KIF1B: variants seen among roughly 807,000 people sequenced by gnomAD.
KIF1B encodes kinesin-like protein KIF1B.
KIF1B carries 76 observed loss-of-function variants against 241.9 expected under a neutral mutation model. That is an observed-to-expected ratio of 0.31 (90% CI 0.26 to 0.38). The LOEUF (loss-of-function observed/expected upper bound fraction) is 0.38, where lower values mean the gene tolerates loss of function less well. Ranked by LOEUF, KIF1B falls within the 10% of genes least tolerant of loss-of-function variation. The pLI, the probability that KIF1B is intolerant of heterozygous loss-of-function variation, is 1.00. For synonymous variants in KIF1B, 750 were observed against 796.7 expected, an observed-to-expected ratio of 0.94 and a Z score of 0.99; for missense variants, 1,622 against 2,271.4, an observed-to-expected ratio of 0.71 and a Z score of 5.81.
intron 22 of KIF1B, among the ~76,000 whole-genome samples, chr1:10,314,820 C>G (rs1289778276): frequency 1.3e-5 from 2 of 151,618 alleles, no homozygotes; most frequent in Non-Finnish European, 2.9e-5. Context: ...CATCCTCATA[C>G]CTTAACTGTC....
At position 10,324,803 on chromosome 1, in the gene KIF1B, G is replaced by T; in HGVS notation, c.2583G>T (p.Glu861Asp). ...LMREMYDRAG[E>D]MASSAQDESE... ...GAGAGATGTATGATAGGGCAGGGGA[G>T]ATGGCCTCCAGTGCCCAAGACGAAA... The change falls in exon 26 of 49, where the codon GAG becomes GAT. Residue 861 changes from glutamate to aspartate, a missense_variant. Coordinates refer to ENST00000676179, the MANE Select transcript of KIF1B (RefSeq NM_001365951.3). 1.2e-6 allele frequency: 2 copies of T among 1,614,150 alleles called. No individual in the cohort carries two copies. The highest frequency in any genetic ancestry group is 1.7e-6 in the Non-Finnish European group (2 of 1,180,006).
In KIF1B at chr1:10,332,538, C is replaced by T. The variant is rs896068463; in HGVS notation, c.2925-1982C>T. Among the ~76,000 whole-genome samples, 257 of 89,940 alleles carry T rather than the reference C, an allele frequency of 2.9e-3. 1 individual carries two copies. The highest frequency in any genetic ancestry group is 0.011 in the African/African-American group (241 of 21,572). The allele number at this position is 89,940 out of a possible 152,430, so 59.0% of individuals were successfully genotyped here. A position where few individuals can be genotyped will look rare whatever the true frequency, so the allele number is the denominator to read the frequency against. On this transcript the variant is annotated intron_variant, in intron 27 of 48. Transcript: ENST00000676179. ...TTTTTTTTTTTTTTTTTTTTTGAGACGGAGTCTCACTCTGTCGCCCAGGCT... is the reference window on the plus strand; with the variant it reads ...TTTTTTTTTTTTTTTTTTTTTGAGATGGAGTCTCACTCTGTCGCCCAGGCT...
chr1:10,348,779 A>ATTTT (rs35253111), intron 37 of KIF1B, 46 bp downstream of exon 37: 1 of 1,248,214 alleles, frequency 8.0e-7, no homozygotes, highest in Non-Finnish European at 1.1e-6. Flanking sequence ...ACTTACAGAG[A>ATTTT]TTTTTTTTTT....
At chr1:10,313,651 C>T (rs547454449) in intron 22 of KIF1B, among the ~76,000 whole-genome samples, 2 of 144,990 alleles carry the variant, frequency 1.4e-5, no homozygotes, top group East Asian at 4.2e-4. Flanking sequence ...CCTGGGTTCA[C>T]ACCATTCTCC....
At chr1:10,212,533 A>G (rs190091650) in intron 1 of KIF1B, among the ~76,000 whole-genome samples, 45 of 152,286 alleles carry the variant, frequency 3.0e-4, no homozygotes, top group Admixed American at 7.2e-4. Context: ...CTTTGCTTTC[A>G]TTCAAGTTCA....
intron 11 of KIF1B, among the ~76,000 whole-genome samples, chr1:10,275,909 CT>C (rs34424252): frequency 0.53 from 75,127 of 141,166 alleles, 20,233 homozygotes; most frequent in African/African-American, 0.71. Context: ...ACTTCTCCTA[CT>C]TTTTTTTTTT....
Position 10,276,393 on chromosome 1 carries a change from C to G in KIF1B, c.1031C>G (p.Thr344Ser). The stretch of plus-strand genomic sequence containing the variant: ...ATCAACTACGATGAGACTTTGAGCA[C>G]TCTGAGGTACTTTCTTTTGATCTCA... ...ADINYDETLS[T>S]LRYADRAKQI... is the part of the protein sequence containing the mutation. The change falls in exon 12 of 49, where the codon ACT becomes AGT. Residue 344 changes from threonine to serine, a missense_variant. Coordinates refer to ENST00000676179, the MANE Select transcript of KIF1B (RefSeq NM_001365951.3). The G allele has an allele frequency of 6.2e-7, 1 of 1,612,306 alleles. No homozygotes were observed. The highest frequency in any genetic ancestry group is 8.5e-7 in the Non-Finnish European group (1 of 1,178,580).
chr1:10,373,811 C>T (rs1638810369), intron 45 of KIF1B, among the ~76,000 whole-genome samples: 1 of 152,152 alleles, frequency 6.6e-6, no homozygotes, highest in African/African-American at 2.4e-5. Context: ...CTTCAGTGTA[C>T]ATCATCATCC....
chr1:10,231,469 CT>C (rs964524719), intron 1 of KIF1B, among the ~76,000 whole-genome samples: 6 of 148,948 alleles, frequency 4.0e-5, no homozygotes, highest in Non-Finnish European at 8.9e-5. Context: ...TCATTGCAGC[CT>C]CCACCTCCTG....
intron 22 of KIF1B, among the ~76,000 whole-genome samples, chr1:10,300,999 G>A (rs1344051086): frequency 6.6e-6 from 1 of 152,104 alleles, no homozygotes; most frequent in Non-Finnish European, 1.5e-5. Flanking sequence ...TATTATTGTG[G>A]AAAGTTACTT....
Position 10,267,352 on chromosome 1 carries a change from C to G in KIF1B, c.430-28C>G, listed in dbSNP as rs761856382. The G allele has an allele frequency of 7.5e-6, 12 of 1,607,702 alleles. No individual in the cohort carries two copies. The South Asian group carries it at 1.3e-4, about 18-fold the overall frequency. On this transcript the variant is annotated intron_variant, in intron 5 of 48. Coordinates refer to ENST00000676179, the MANE Select transcript of KIF1B (RefSeq NM_001365951.3). Reference sequence around the variant, plus strand: ...TTCTGTATGTGATTTCTTTTTCACTCTAATTCACTTTACTAATTTGTTCAT... The same window carrying G: ...TTCTGTATGTGATTTCTTTTTCACTGTAATTCACTTTACTAATTTGTTCAT...
chr1:10,347,124 G>T (rs1486901959), intron 35 of KIF1B, among the ~76,000 whole-genome samples: 2 of 151,676 alleles, frequency 1.3e-5, no homozygotes, highest in African/African-American at 2.4e-5. Flanking sequence ...AAACACAAAT[G>T]AAAGAGATCT....
intron 1 of KIF1B, among the ~76,000 whole-genome samples, chr1:10,217,773 A>G (rs1646788180): frequency 2.0e-5 from 3 of 150,012 alleles, no homozygotes; most frequent in South Asian, 2.1e-4. Flanking sequence ...CACCACCACA[A>G]TCTTGAACCC....
intron 22 of KIF1B, chr1:10,306,946 T>C (rs1368685507): frequency 7.7e-6 from 8 of 1,044,308 alleles, no homozygotes; most frequent in Non-Finnish European, 9.2e-6. Flanking sequence ...TAGGTAATAC[T>C]GTAGAATGAA....
At chr1:10,333,886 C>G (rs2102311460) in intron 27 of KIF1B, among the ~76,000 whole-genome samples, 1 of 152,120 alleles carries the variant, frequency 6.6e-6, no homozygotes, top group East Asian at 1.9e-4. Context: ...GGCACGGTGG[C>G]TCACACCTGT....
intron 3 of KIF1B, among the ~76,000 whole-genome samples, chr1:10,256,700 A>ATT (rs1647802630): frequency 1.3e-5 from 2 of 148,444 alleles, no homozygotes; most frequent in African/African-American, 4.9e-5. Flanking sequence ...AAATAATAAT[A>ATT]ATAATTATTA....
Position 10,365,433 on chromosome 1 carries a change from C to T in KIF1B, c.4537C>T (p.Leu1513=). The T allele has an allele frequency of 3.1e-6, 5 of 1,614,184 alleles. No individual in the cohort carries two copies. Among genetic ancestry groups the T allele is most frequent in the Non-Finnish European group, 4.2e-6 (5 of 1,180,040 alleles). The part of the protein sequence containing the change: ...HEVEKTRHFL[L]LRERLGDSIP... ...GGTGGAAAAAACCCGCCACTTTTTG[C>T]TGCTGCGTGAGAGACTTGGTGACAG... The change falls in exon 43 of 49, where the codon CTG becomes TTG. Residue 1513 remains leucine, a synonymous_variant. Coordinates refer to ENST00000676179, the MANE Select transcript of KIF1B (RefSeq NM_001365951.3). The surrounding 1 kb of genome is among the most constrained non-coding windows in gnomAD (Gnocchi z 4.0).
In KIF1B at chr1:10,258,706, C is replaced by G. The variant is rs371733271; in HGVS notation, c.363+34C>G. ...CAAAACAAAACAAAAATCTTCTCTT[C>G]ATTATTAGTGTTAGTCTTAAATTGC... On this transcript the variant is annotated intron_variant, in intron 4 of 48. Transcript: ENST00000676179. 8.9e-5 allele frequency: 143 copies of G among 1,600,632 alleles called. 1 individual carries two copies. Among genetic ancestry groups the G allele is most frequent in the Middle Eastern group, 6.6e-4 (4 of 6,052 alleles).
rs1191091582 is a variant in KIF1B at position 10,333,924 on chromosome 1, G to A, written c.2925-596G>A. ...TCCCAGCACTTTGGGAGGCCGAGGC[G>A]GGTGGATCACAAGGTCAGGAGATTG... On this transcript the variant is annotated intron_variant, in intron 27 of 48. Transcript: ENST00000676179. 2.6e-5 allele frequency among the ~76,000 whole-genome samples: 4 copies of A among 151,920 alleles called. No individual in the cohort carries two copies. In the East Asian group the frequency reaches 5.8e-4, roughly 22 times the overall value.
Sources: allele counts gnomAD v4.1 joint callset (sites outside exome capture counted in the v4.1 genomes callset), GRCh38; gene constraint gnomAD v4.1.1; non-coding constraint Gnocchi (gnomAD v3.1); transcripts MANE v1.5; gene names NCBI Gene and HGNC (gene_info 2026-07-23, HGNC 2026-07-21).